The following PDE4B variants were observed in gnomAD, a reference collection of about 807,000 sequenced individuals.
PDE4B encodes phosphodiesterase 4B.
PDE4B carries 20 observed loss-of-function variants against 82.2 expected under a neutral mutation model. The observed-to-expected ratio is 0.24, with a 90% CI of 0.17 to 0.35. The LOEUF (loss-of-function observed/expected upper bound fraction) is 0.35. Ranked by LOEUF, PDE4B falls within the 10% of genes least tolerant of loss-of-function variation. PDE4B has a pLI of 1.00. For synonymous variants in PDE4B, 320 were observed against 318.9 expected, an observed-to-expected ratio of 1.00 and a Z score of -0.04; for missense variants, 655 against 907.2, an observed-to-expected ratio of 0.72 and a Z score of 3.57.
chr1:66,036,086 T>C (rs1654044809), intron 3 of PDE4B, among the ~76,000 whole-genome samples: 1 of 152,210 alleles, frequency 6.6e-6, no homozygotes, highest in Non-Finnish European at 1.5e-5. Flanking sequence ...ATTTTACTAA[T>C]GACTAGAGAT....
At chr1:66,269,337 C>T (rs986925534) in intron 7 of PDE4B, among the ~76,000 whole-genome samples, 1 of 152,106 alleles carries the variant, frequency 6.6e-6, no homozygotes, top group Non-Finnish European at 1.5e-5. Flanking sequence ...GAAAGAACAA[C>T]GAGGAAGCCA....
intron 3 of PDE4B, among the ~76,000 whole-genome samples, chr1:66,121,905 C>G (rs1370570045): frequency 6.6e-6 from 1 of 152,000 alleles, no homozygotes; most frequent in Non-Finnish European, 1.5e-5. Context: ...TTTCTTTCTC[C>G]TTTTCACCCT....
intron 3 of PDE4B, among the ~76,000 whole-genome samples, chr1:66,166,947 G>A (rs536025): frequency 0.75 from 114,237 of 152,130 alleles, 43,338 homozygotes; most frequent in East Asian, 0.89. Context: ...TCATATGAAA[G>A]TAGACTGTCA....
At chr1:65,956,962 A>G (rs1469800028) in intron 3 of PDE4B, among the ~76,000 whole-genome samples, 1 of 152,112 alleles carries the variant, frequency 6.6e-6, no homozygotes, top group African/African-American at 2.4e-5. Context: ...GTAGGTATGT[A>G]CAGGTATCTC....
chr1:66,331,799 G>A (rs1012963437), intron 7 of PDE4B: 43 of 985,250 alleles, frequency 4.4e-5, no homozygotes, highest in South Asian at 1.4e-4. Context: ...ACGTGTTCAC[G>A]TAAAACTCCA....
chr1:66,219,262 T>A (rs181979593), intron 3 of PDE4B, among the ~76,000 whole-genome samples: 1 of 152,290 alleles, frequency 6.6e-6, no homozygotes, highest in Non-Finnish European at 1.5e-5. Context: ...TAATGCATGA[T>A]AATGTGAAGG....
intron 7 of PDE4B, among the ~76,000 whole-genome samples, chr1:66,321,900 T>C (rs1659430943): frequency 8.9e-6 from 1 of 112,390 alleles, no homozygotes; most frequent in Non-Finnish European, 1.7e-5. Flanking sequence ...GCTGGAGGCG[T>C]TATGCTACCT....
chr1:65,939,527 T>G (rs142922697), intron 3 of PDE4B, among the ~76,000 whole-genome samples: 160 of 152,258 alleles, frequency 1.1e-3, no homozygotes, highest in Non-Finnish European at 1.3e-3. Context: ...TCTTGTTGTT[T>G]CTGGGTGTCT....
chr1:65,816,659 T>C (rs1049251398), intron 1 of PDE4B, among the ~76,000 whole-genome samples: 2 of 152,324 alleles, frequency 1.3e-5, no homozygotes, highest in Non-Finnish European at 2.9e-5. Flanking sequence ...AACAGCCTTA[T>C]TATCTAATAT....
intron 3 of PDE4B, among the ~76,000 whole-genome samples, chr1:66,077,349 G>A (rs895855757): frequency 2.0e-5 from 3 of 152,116 alleles, no homozygotes; most frequent in Non-Finnish European, 2.9e-5. Flanking sequence ...CATTTAACAC[G>A]TGTCAACTTA....
chr1:66,030,614 G>T (rs916330728), intron 3 of PDE4B, among the ~76,000 whole-genome samples: 37 of 152,010 alleles, frequency 2.4e-4, no homozygotes, highest in Admixed American at 2.4e-3. Context: ...CCACTACTGG[G>T]TATATACCCA....
chr1:66,137,172 AG>A (rs1254205813), intron 3 of PDE4B, among the ~76,000 whole-genome samples: 1 of 152,146 alleles, frequency 6.6e-6, no homozygotes, highest in Non-Finnish European at 1.5e-5. Flanking sequence ...AGGCATAGTG[AG>A]GGCTTATTTG....
chr1:65,820,360 T>C (rs1645938875), intron 1 of PDE4B, among the ~76,000 whole-genome samples: 1 of 152,228 alleles, frequency 6.6e-6, no homozygotes, highest in Non-Finnish European at 1.5e-5. Context: ...ACTTCAAATA[T>C]TGTAGGTTAG....
At chr1:65,917,014 C>A (rs1037331577) in intron 2 of PDE4B, among the ~76,000 whole-genome samples, 2 of 152,108 alleles carry the variant, frequency 1.3e-5, no homozygotes, top group African/African-American at 4.8e-5. Context: ...GAGGGTGGGG[C>A]TCCTGAAAAT....
intron 7 of PDE4B, among the ~76,000 whole-genome samples, chr1:66,289,123 C>A (rs574565730): frequency 5.9e-5 from 9 of 152,000 alleles, no homozygotes; most frequent in Non-Finnish European, 1.0e-4. Context: ...AATAAAATAG[C>A]CAGGGGCAGT....
chr1:66,181,349 C>A (rs1300680824), intron 3 of PDE4B, among the ~76,000 whole-genome samples: 5 of 152,186 alleles, frequency 3.3e-5, no homozygotes. Context: ...CTAACCTAAA[C>A]TCTTAGTGCT....
intron 3 of PDE4B, among the ~76,000 whole-genome samples, chr1:66,016,949 G>A (rs1046052611): frequency 6.6e-6 from 1 of 152,170 alleles, no homozygotes; most frequent in Non-Finnish European, 1.5e-5. Flanking sequence ...GGCACCTACT[G>A]AAGGAGAAGA....
At chr1:65,868,273 A>G (rs527486463) in intron 1 of PDE4B, among the ~76,000 whole-genome samples, 1 of 152,298 alleles carries the variant, frequency 6.6e-6, no homozygotes, top group African/African-American at 2.4e-5. Context: ...ATTTAACAGT[A>G]TTGATATTAC....
At chr1:65,847,762 T>C (rs1469552274) in intron 1 of PDE4B, among the ~76,000 whole-genome samples, 1 of 152,200 alleles carries the variant, frequency 6.6e-6, no homozygotes, top group Admixed American at 6.5e-5. Context: ...GGCAGTTCTT[T>C]AGTATACTAT....
Sources: allele counts gnomAD v4.1 joint callset (sites outside exome capture counted in the v4.1 genomes callset), GRCh38; gene constraint gnomAD v4.1.1; transcripts MANE v1.5; gene names NCBI Gene and HGNC (gene_info 2026-07-23, HGNC 2026-07-21).